EMP2: variants seen among roughly 807,000 people sequenced by gnomAD.
EMP2 encodes epithelial membrane protein 2.
In EMP2, 19 loss-of-function variants were observed where a neutral mutation model predicts 13.7. The ratio of observed to expected loss-of-function variants is 1.38; its 90% confidence interval spans 0.97 to 2.03. The LOEUF (loss-of-function observed/expected upper bound fraction) is 2.03, where lower values mean the gene tolerates loss of function less well. Ranked by LOEUF, EMP2 falls within the 30% of genes most tolerant of loss-of-function variation. The pLI, the probability that EMP2 is intolerant of heterozygous loss-of-function variation, is 0.00. For synonymous variants in EMP2, 97 were observed against 84.7 expected, an observed-to-expected ratio of 1.15 and a Z score of -0.80; for missense variants, 253 against 220.7, an observed-to-expected ratio of 1.15 and a Z score of -0.93.
At chr16:10,575,446 G>T (rs1384707877) in intron 1 of EMP2, among the ~76,000 whole-genome samples, 2 of 151,334 alleles carry the variant, frequency 1.3e-5, no homozygotes, top group African/African-American at 4.9e-5. Context: ...AGTAGAGACA[G>T]GGCTTCATTG....
At position 10,530,792 on chromosome 16, in the gene EMP2, A is replaced by T. The variant is rs1490533293; in HGVS notation, c.*2113T>A. On this transcript the variant is annotated 3_prime_UTR_variant, in exon 5 of 5. Transcript: ENST00000359543. ...TCTCACCGCATTTACTGTCGGGACC[A>T]TGGGCCCCTCCACAGACATGTTTTC... 1.3e-5 allele frequency: 2 copies of T among 152,346 alleles called. No homozygotes were observed. Among genetic ancestry groups the T allele is most frequent in the East Asian group, 3.9e-4 (2 of 5,172 alleles). The allele number at this position is 152,346 out of a possible 1,614,324, so 9.4% of individuals were successfully genotyped here.
Position 10,531,049 on chromosome 16 carries a change from G to T in EMP2, c.*1856C>A, listed in dbSNP as rs1444896794. On this transcript the variant is annotated 3_prime_UTR_variant, in exon 5 of 5. Coordinates refer to ENST00000359543, the MANE Select transcript of EMP2 (RefSeq NM_001424.6). ...GTGCAGTGGTGAATCTCGGCTCACTGCGACCTCCGCCTCCCAGTTTCAAGC... is the reference window on the plus strand; with the variant it reads ...GTGCAGTGGTGAATCTCGGCTCACTTCGACCTCCGCCTCCCAGTTTCAAGC... The T allele has an allele frequency of 1.3e-5, 2 of 152,160 alleles. No individual in the cohort carries two copies. The highest frequency in any genetic ancestry group is 2.9e-5 in the Non-Finnish European group (2 of 68,062). The allele number at this position is 152,160 out of a possible 1,614,324, so 9.4% of individuals were successfully genotyped here.
intron 2 of EMP2, chr16:10,545,981 G>C (rs998010072): frequency 3.3e-5 from 5 of 152,216 alleles, no homozygotes; most frequent in African/African-American, 9.7e-5. Context: ...GGAGCCTCTG[G>C]AATGGCTCAA....
At position 10,532,769 on chromosome 16, in the gene EMP2, T is replaced by TTTTTC. The variant is rs1567199139; in HGVS notation, c.*135_*136insGAAAA. ...TTTTTTTCTTTTTTCTTTTTTTTTT[T>TTTTTC]TTTTTTTTTTTTTTTTTGGCTTTTA... On this transcript the variant is annotated 3_prime_UTR_variant, in exon 5 of 5. Coordinates refer to ENST00000359543, the MANE Select transcript of EMP2 (RefSeq NM_001424.6). 9.2e-6 allele frequency: 3 copies of TTTTTC among 327,424 alleles called. 1 individual carries two copies. The highest frequency in any genetic ancestry group is 5.3e-5 in the African/African-American group (2 of 37,750). 20.3% of individuals were successfully genotyped at this position (327,424 alleles called of 1,614,324 possible). A position where few individuals can be genotyped will look rare whatever the true frequency, so the allele number is the denominator to read the frequency against.
rs747072310 is a variant in EMP2, at chr16:10,547,539, C to A, written c.78+1G>T. 6 of 1,613,990 alleles carry A rather than the reference C, an allele frequency of 3.7e-6. No individual in the cohort carries two copies. The highest frequency in any genetic ancestry group is 2.2e-5 in the East Asian group (1 of 44,868). On this transcript the variant is annotated splice_donor_variant, in intron 2 of 4. Coordinates refer to ENST00000359543, the MANE Select transcript of EMP2 (RefSeq NM_001424.6). LOFTEE classifies it high-confidence loss of function. ...CGTGAGTGGCAGGAAAGGAAACTTA[C>A]ATTGTCGACGGTGGCAATGAACAGC...
intron 1 of EMP2, among the ~76,000 whole-genome samples, chr16:10,558,779 C>T (rs1487862093): frequency 1.3e-5 from 2 of 152,048 alleles, no homozygotes; most frequent in South Asian, 2.1e-4. Flanking sequence ...TGCTCCTTTA[C>T]GTGCCAGGGA....
rs2050580483 is a variant in EMP2 at position 10,529,494 on chromosome 16, A to G, written c.*3411T>C. ...GTACAGCAGTGGCAACCAGCCGGGAAAATCCATAGGATCATTTCAGACCGC... is the reference window on the plus strand; with the variant it reads ...GTACAGCAGTGGCAACCAGCCGGGAGAATCCATAGGATCATTTCAGACCGC... On this transcript the variant is annotated 3_prime_UTR_variant, in exon 5 of 5. Transcript: ENST00000359543. 6.6e-6 allele frequency: 1 copy of G among 152,222 alleles called. No individual in the cohort carries two copies. Among genetic ancestry groups the G allele is most frequent in the African/African-American group, 2.4e-5 (1 of 41,454 alleles). 9.4% of individuals were successfully genotyped at this position (152,222 alleles called of 1,614,324 possible).
intron 1 of EMP2, among the ~76,000 whole-genome samples, chr16:10,553,026 G>C (rs1386183121): frequency 2.0e-5 from 3 of 152,222 alleles, no homozygotes; most frequent in Admixed American, 2.0e-4. Context: ...CTGGAATTCA[G>C]ATCTCCAGTA....
rs771240228 is a variant in EMP2, at chr16:10,533,059, G to C, written c.350C>G (p.Thr117Arg). The C allele has an allele frequency of 6.2e-7, 1 of 1,602,910 alleles. No homozygotes were observed. Among genetic ancestry groups the C allele is most frequent in the Non-Finnish European group, 8.5e-7 (1 of 1,174,720 alleles). The change falls in exon 5 of 5, where the codon ACA becomes AGA. Residue 117 changes from threonine to arginine, a missense_variant. Thr to Arg is a moderately conservative substitution (Grantham distance 71). Transcript: ENST00000359543. ...GTCGTGAATGTCTTCACGCCTGTCT[G>C]TATAAATGGAGGCCGCAATCATGAC... ...LCVMIAASIY[T>R]DRREDIHDKN...
Position 10,532,758 on chromosome 16 carries a change from CTTTTTTTTT to C in EMP2, c.*138_*146del, listed in dbSNP as rs878927571. 0.028 allele frequency: 5,136 copies of C among 184,560 alleles called. 778 individuals are homozygous for C. The highest frequency in any genetic ancestry group is 0.044 in the Middle Eastern group (25 of 562). The allele number at this position is 184,560 out of a possible 1,614,324, so 11.4% of individuals were successfully genotyped here. ...CTTTTGGATTTTTTTTTTCTTTTTT[CTTTTTTTTT>C]TTTTTTTTTTTTTTTTTTTGGCTTT... is the stretch of plus-strand genomic sequence containing the variant. On this transcript the variant is annotated 3_prime_UTR_variant, in exon 5 of 5. Transcript: ENST00000359543.
At chr16:10,534,255 T>C (rs1957056189) in intron 4 of EMP2, among the ~76,000 whole-genome samples, 1 of 152,100 alleles carries the variant, frequency 6.6e-6, no homozygotes, top group Non-Finnish European at 1.5e-5. Context: ...CAGCAAACTT[T>C]TTGGAGCCAC....
chr16:10,577,697 C>T (rs563753290), intron 1 of EMP2, among the ~76,000 whole-genome samples: 1 of 152,082 alleles, frequency 6.6e-6, no homozygotes, highest in Non-Finnish European at 1.5e-5. Context: ...CTGAGACACC[C>T]GGACACACAC....
At chr16:10,547,298 GC>G (rs1384836217) in intron 2 of EMP2, 2 of 459,036 alleles carry the variant, frequency 4.4e-6, no homozygotes, top group Admixed American at 7.2e-5. Flanking sequence ...TTTATAAAGG[GC>G]AGTTCCCCTG....
intron 1 of EMP2, among the ~76,000 whole-genome samples, chr16:10,555,734 T>G (rs1033684858): frequency 6.6e-6 from 1 of 152,074 alleles, no homozygotes; most frequent in African/African-American, 2.4e-5. Context: ...ATTACAGGCA[T>G]GCGCCACCAC....
chr16:10,551,406 T>G (rs906173539), intron 1 of EMP2, among the ~76,000 whole-genome samples: 3 of 152,118 alleles, frequency 2.0e-5, no homozygotes, highest in Non-Finnish European at 4.4e-5. Context: ...TGAAATAGGA[T>G]TTTCGTTTGT....
intron 1 of EMP2, among the ~76,000 whole-genome samples, chr16:10,579,718 A>G (rs1166399793): frequency 6.7e-6 from 1 of 150,038 alleles, no homozygotes; most frequent in African/African-American, 2.4e-5. Context: ...GCACACACAC[A>G]CACACACACA....
At chr16:10,536,423 G>A (rs1431653543) in intron 4 of EMP2, among the ~76,000 whole-genome samples, 4 of 152,188 alleles carry the variant, frequency 2.6e-5, no homozygotes, top group East Asian at 1.9e-4. Flanking sequence ...TCATGGGGGC[G>A]GTTCCCCCAT....
intron 3 of EMP2, among the ~76,000 whole-genome samples, chr16:10,539,718 A>AAAAAAG (rs1291513352): frequency 5.3e-5 from 8 of 152,242 alleles, no homozygotes; most frequent in East Asian, 1.9e-4. Context: ...AACTCCATTA[A>AAAAAAG]AAAAAGAAAA....
chr16:10,532,852 G>A lies in EMP2; in HGVS notation c.*53C>T, dbSNP rs943006752. 1.4e-5 allele frequency: 15 copies of A among 1,108,200 alleles called. No individual in the cohort carries two copies. Among genetic ancestry groups the A allele is most frequent in the African/African-American group, 1.2e-4 (7 of 56,104 alleles). 68.6% of individuals were successfully genotyped at this position (1,108,200 alleles called of 1,614,324 possible). A position where few individuals can be genotyped will look rare whatever the true frequency, so the allele number is the denominator to read the frequency against. On this transcript the variant is annotated 3_prime_UTR_variant, in exon 5 of 5. Coordinates refer to ENST00000359543, the MANE Select transcript of EMP2 (RefSeq NM_001424.6). ...AAAAATAATGATTATATACAAAATG[G>A]TTATCTGAATGTGGATTCTGTACTG...
Sources: gnomAD v4.1 joint callset for allele counts (sites outside exome capture counted in the v4.1 genomes callset) on GRCh38, gnomAD v4.1.1 for gene constraint, MANE v1.5 for transcripts, NCBI Gene and HGNC (gene_info 2026-07-23, HGNC 2026-07-21) for gene names.